KANK1: variants seen among roughly 807,000 people sequenced by gnomAD.
KANK1 encodes the protein KN motif and ankyrin repeat domain-containing protein 1.
KANK1 carries 109 observed loss-of-function variants against 106.2 expected under a neutral mutation model. That is an observed-to-expected ratio of 1.03 (90% CI 0.88 to 1.20). The LOEUF is 1.20. Ranked by LOEUF, KANK1 falls within the 50% of genes most tolerant of loss-of-function variation. KANK1 has a pLI of 0.00. For synonymous variants in KANK1, 873 were observed against 652.2 expected (o/e 1.34, Z -5.16); for missense variants, 2,399 against 1,710.7 (o/e 1.40, Z -7.10).
At chr9:688,003 G>T (rs1005310993) in intron 2 of KANK1, among the ~76,000 whole-genome samples, 1 of 152,172 alleles carries the variant, frequency 6.6e-6, no homozygotes, top group Non-Finnish European at 1.5e-5. Flanking sequence ...CCTACTTTGT[G>T]CTGGCATGAT....
At chr9:628,959 A>G (rs1487630183) in intron 1 of KANK1, among the ~76,000 whole-genome samples, 1 of 151,196 alleles carries the variant, frequency 6.6e-6, no homozygotes, top group Non-Finnish European at 1.5e-5. Context: ...GGGCGCCTGT[A>G]ATCCCAGCTA....
At chr9:665,448 G>T (rs545064355) in intron 1 of KANK1, among the ~76,000 whole-genome samples, 1 of 152,202 alleles carries the variant, frequency 6.6e-6, no homozygotes, top group African/African-American at 2.4e-5. Context: ...CATATTGTTG[G>T]CACCTCTGTC....
In KANK1 at chr9:711,298, G is replaced by A. The variant is rs373450011; in HGVS notation, c.532G>A (p.Glu178Lys). 4 of 1,614,048 alleles carry A rather than the reference G, an allele frequency of 2.5e-6. No individual in the cohort carries two copies. The highest frequency in any genetic ancestry group is 3.4e-6 in the Non-Finnish European group (4 of 1,180,038). ...AGCCACCATGCAGATGACACCGGGT[G>A]AGTTCAGAAGGCCCAGGCTGGCCAG... Reference protein sequence around the residue: ...ERATMQMTPGEFRRPRLASFG... With the variant: ...ERATMQMTPGKFRRPRLASFG... The change falls in exon 3 of 12, where the codon GAG becomes AAG. Residue 178 changes from glutamate to lysine, a missense_variant. Transcript: ENST00000382297.
chr9:670,971 T>G (rs993247851), intron 1 of KANK1, among the ~76,000 whole-genome samples: 2 of 146,952 alleles, frequency 1.4e-5, no homozygotes, highest in Admixed American at 1.4e-4. Context: ...TTTTTTTTTT[T>G]TTTTTTTACT....
At position 736,776 on chromosome 9, in the gene KANK1, C is replaced by T. The variant is rs573241995; in HGVS notation, c.3334-1509C>T. Among the ~76,000 whole-genome samples the T allele has an allele frequency of 2.1e-4, 32 of 152,192 alleles. No individual in the cohort carries two copies. The South Asian group carries it at 6.4e-3, about 31-fold the overall frequency. The stretch of plus-strand genomic sequence containing the variant: ...TCTTGGATTTGTATTCATGAAAATA[C>T]CTGGCTATACCCTGGTCACTAGTAA... On this transcript the variant is annotated intron_variant, in intron 7 of 11. Transcript: ENST00000382297.
intron 1 of KANK1, among the ~76,000 whole-genome samples, chr9:635,833 G>A (rs1399764892): frequency 6.6e-6 from 1 of 151,152 alleles, no homozygotes; most frequent in Non-Finnish European, 1.5e-5. Flanking sequence ...CGAGTAGCTG[G>A]CGGTACAGGT....
At chr9:471,905 G>A (rs1413396454) in intron 2 of KANK1, among the ~76,000 whole-genome samples, 1 of 152,042 alleles carries the variant, frequency 6.6e-6, no homozygotes, top group African/African-American at 2.4e-5. Context: ...TATGTGAGCC[G>A]GTCACCAGGG....
intron 1 of KANK1, among the ~76,000 whole-genome samples, chr9:588,851 T>G (rs893708345): frequency 1.3e-5 from 2 of 152,200 alleles, no homozygotes; most frequent in Admixed American, 1.3e-4. Context: ...TTTAGAACAG[T>G]GCCTGACTTT....
chr9:742,140 C>G (rs553862632), intron 9 of KANK1, 65 bp from the exon 10 acceptor site: 1 of 1,380,130 alleles, frequency 7.2e-7, no homozygotes, highest in Non-Finnish European at 1.0e-6. Flanking sequence ...TAGCACAGCC[C>G]CACTAGAGGC....
At chr9:604,448 A>G (rs533744004) in intron 1 of KANK1, among the ~76,000 whole-genome samples, 2 of 151,824 alleles carry the variant, frequency 1.3e-5, no homozygotes, top group East Asian at 1.9e-4. Context: ...AGTGTTTGGC[A>G]GTTTCACCCT....
intron 1 of KANK1, among the ~76,000 whole-genome samples, chr9:649,908 G>C (rs1479261889): frequency 6.6e-6 from 1 of 152,142 alleles, no homozygotes; most frequent in Non-Finnish European, 1.5e-5. Flanking sequence ...CAGCTTCTCT[G>C]CGTCATCCCC....
chr9:698,250 T>G lies in KANK1; in HGVS notation c.38-12554T>G, dbSNP rs540334926. On this transcript the variant is annotated intron_variant, in intron 2 of 11. Transcript: ENST00000382297. ...GTCTTAGCCTCACAGGCATTTTCAG[T>G]CCTTGCTCTTCCCATCCTAGAGTTT... 3.0e-4 allele frequency among the ~76,000 whole-genome samples: 46 copies of G among 152,220 alleles called. 1 individual carries two copies. Among genetic ancestry groups the G allele is most frequent in the Non-Finnish European group, 5.4e-4 (37 of 68,014 alleles).
Position 539,067 on chromosome 9 carries a change from G to A in KANK1, c.-84+34313G>A, listed in dbSNP as rs777882132. Among the ~76,000 whole-genome samples, 8 of 152,150 alleles carry A rather than the reference G, an allele frequency of 5.3e-5. No homozygotes were observed. The South Asian group carries it at 1.0e-3, about 20-fold the overall frequency. ...GGCTAATATTTATATTTTTGGTAGC[G>A]ACGGGATTTCACCATGTTGGCCCAG... On this transcript the variant is annotated intron_variant, in intron 1 of 11. Coordinates refer to ENST00000382297, the MANE Select transcript of KANK1 (RefSeq NM_015158.5).
intron 3 of KANK1, among the ~76,000 whole-genome samples, chr9:714,403 A>G (rs1589135230): frequency 1.5e-5 from 2 of 129,160 alleles, no homozygotes; most frequent in East Asian, 4.4e-4. Context: ...TCTGTCACCC[A>G]GGCTGGAGGG....
chr9:651,227 C>A (rs539192292), intron 1 of KANK1, among the ~76,000 whole-genome samples: 1 of 152,114 alleles, frequency 6.6e-6, no homozygotes, highest in Non-Finnish European at 1.5e-5. Flanking sequence ...TGTAAGAGCA[C>A]CTCCAAAACA....
At chr9:533,572 T>C (rs932008355) in intron 1 of KANK1, among the ~76,000 whole-genome samples, 2 of 152,234 alleles carry the variant, frequency 1.3e-5, no homozygotes, top group Admixed American at 6.5e-5. Context: ...ATTTGACTTA[T>C]CTGAATCCTG....
At chr9:690,910 T>G (rs1819755631) in intron 2 of KANK1, among the ~76,000 whole-genome samples, 1 of 152,238 alleles carries the variant, frequency 6.6e-6, no homozygotes, top group Admixed American at 6.5e-5. Flanking sequence ...TCACCTTTTC[T>G]GGCTACTCTC....
At chr9:534,929 G>T (rs1314917987) in intron 1 of KANK1, among the ~76,000 whole-genome samples, 1 of 152,200 alleles carries the variant, frequency 6.6e-6, no homozygotes, top group East Asian at 1.9e-4. Flanking sequence ...GATGGGTGGA[G>T]GTTGGGCCGA....
At chr9:517,016 C>CACACACACACACACACAT (rs1187165044) in intron 1 of KANK1, among the ~76,000 whole-genome samples, 1 of 151,576 alleles carries the variant, frequency 6.6e-6, no homozygotes, top group African/African-American at 2.4e-5. Flanking sequence ...CACACACACA[C>CACACACACACACACACAT]ACACACACAC....
Sources: gnomAD v4.1 joint callset for allele counts (sites outside exome capture counted in the v4.1 genomes callset) on GRCh38, gnomAD v4.1.1 for gene constraint, MANE v1.5 for transcripts, NCBI Gene and HGNC (gene_info 2026-07-23, HGNC 2026-07-21) for gene names.